The following TRPC6 variants were observed in gnomAD, a reference collection of about 807,000 sequenced individuals.
TRPC6 encodes short transient receptor potential channel 6.
Under a neutral mutation model 90.7 loss-of-function variants are expected in TRPC6, and 55 were observed. That is an observed-to-expected ratio of 0.61 (90% CI 0.49 to 0.76). The LOEUF is 0.76. Ranked by LOEUF, TRPC6 falls within the 30% of genes least tolerant of loss-of-function variation. TRPC6 has a pLI of 0.00. For missense variants in TRPC6, 989 were observed against 1,122.7 expected (o/e 0.88, Z 1.70); for synonymous variants, 393 against 393.0 (o/e 1.00, Z 0.00).
intron 2 of TRPC6, 74 bp from the exon 3 acceptor site, chr11:101,491,812 A>G (rs1245470947): frequency 8.3e-6 from 8 of 966,592 alleles, no homozygotes; most frequent in Non-Finnish European, 1.1e-5. Context: ...GACTTGAAGG[A>G]TTTTATACTT....
chr11:101,581,127 C>CT (rs1862187805), intron 1 of TRPC6, among the ~76,000 whole-genome samples: 1 of 152,206 alleles, frequency 6.6e-6, no homozygotes, highest in Admixed American at 6.5e-5. Flanking sequence ...TATAGTACCT[C>CT]TGACATCACG....
intron 3 of TRPC6, among the ~76,000 whole-genome samples, chr11:101,491,014 T>A (rs1859792385): frequency 6.6e-6 from 1 of 152,218 alleles, no homozygotes; most frequent in Non-Finnish European, 1.5e-5. Flanking sequence ...ATTAGCACAG[T>A]AAGAAAATGG....
intron 4 of TRPC6, among the ~76,000 whole-genome samples, chr11:101,484,885 G>A (rs537489408): frequency 1.1e-4 from 16 of 151,776 alleles, no homozygotes; most frequent in South Asian, 6.3e-4. Flanking sequence ...ATTTATGGGC[G>A]GTATATAGTG....
chr11:101,460,764 A>C (rs1269470796), intron 10 of TRPC6, among the ~76,000 whole-genome samples: 3 of 152,166 alleles, frequency 2.0e-5, no homozygotes, highest in African/African-American at 7.2e-5. Context: ...TAAAATGGTA[A>C]ATTTTATGCT....
At chr11:101,550,524 C>T (rs968978850) in intron 1 of TRPC6, among the ~76,000 whole-genome samples, 4 of 151,460 alleles carry the variant, frequency 2.6e-5, no homozygotes, top group Non-Finnish European at 5.9e-5. Context: ...ATTTTCATAA[C>T]CTTAAAACAC....
chr11:101,542,359 T>C (rs1249968962), intron 1 of TRPC6, among the ~76,000 whole-genome samples: 2 of 152,204 alleles, frequency 1.3e-5, no homozygotes, highest in Admixed American at 6.5e-5. Flanking sequence ...CTGATAAAGA[T>C]AGTTCCCTTA....
chr11:101,459,134 G>A (rs1028088767), intron 10 of TRPC6, among the ~76,000 whole-genome samples: 1 of 152,144 alleles, frequency 6.6e-6, no homozygotes, highest in Non-Finnish European at 1.5e-5. Context: ...AAGCTCATAT[G>A]GCAGGGGAAA....
chr11:101,559,057 G>A (rs934414293), intron 1 of TRPC6, among the ~76,000 whole-genome samples: 1 of 152,006 alleles, frequency 6.6e-6, no homozygotes, highest in Non-Finnish European at 1.5e-5. Context: ...CACAGCAAAA[G>A]AAACAACAGA....
At chr11:101,519,928 T>C (rs1336737049) in intron 1 of TRPC6, 1 of 153,296 alleles carries the variant, frequency 6.5e-6, no homozygotes, top group Admixed American at 6.6e-5. Flanking sequence ...GCCACACTGA[T>C]CTGCTTGCTC....
At chr11:101,495,798 A>G (rs1395720629) in intron 2 of TRPC6, among the ~76,000 whole-genome samples, 5 of 152,092 alleles carry the variant, frequency 3.3e-5, no homozygotes. Context: ...TTTTACACAC[A>G]GCACTGAGAT....
intron 1 of TRPC6, among the ~76,000 whole-genome samples, chr11:101,525,347 A>T (rs760658078): frequency 6.6e-6 from 1 of 152,224 alleles, no homozygotes; most frequent in Non-Finnish European, 1.5e-5. Flanking sequence ...CATAAATACC[A>T]ACTGTGTGGT....
intron 1 of TRPC6, among the ~76,000 whole-genome samples, chr11:101,515,927 C>G (rs1459356873): frequency 2.0e-5 from 3 of 152,012 alleles, no homozygotes; most frequent in Non-Finnish European, 4.4e-5. Flanking sequence ...AAAGTTTTTA[C>G]TATGACCAAA....
chr11:101,533,319 G>A lies in TRPC6; in HGVS notation c.171-28521C>T, dbSNP rs532120374. ...TTCCAATCATGGTGGAAGGCAAAGC[G>A]GAAACAGGCACATCACATGGCAAGA... is the stretch of plus-strand genomic sequence containing the variant. On this transcript the variant is annotated intron_variant, in intron 1 of 12. Transcript: ENST00000344327. Among the ~76,000 whole-genome samples the A allele has an allele frequency of 3.3e-5, 5 of 152,224 alleles. No homozygotes were observed. The South Asian group carries it at 8.3e-4, about 25-fold the overall frequency.
At chr11:101,551,898 C>T (rs566684446) in intron 1 of TRPC6, among the ~76,000 whole-genome samples, 43 of 152,206 alleles carry the variant, frequency 2.8e-4, no homozygotes, top group African/African-American at 8.9e-4. Flanking sequence ...TTCTGTAACA[C>T]AACTCACTGT....
At chr11:101,492,293 G>A (rs1042704039) in intron 2 of TRPC6, among the ~76,000 whole-genome samples, 1 of 152,076 alleles carries the variant, frequency 6.6e-6, no homozygotes, top group East Asian at 1.9e-4. Context: ...ATTTAAAAAA[G>A]AGTATGCTGG....
intron 1 of TRPC6, among the ~76,000 whole-genome samples, chr11:101,551,573 C>T (rs1447309625): frequency 6.6e-6 from 1 of 151,956 alleles, no homozygotes; most frequent in Non-Finnish European, 1.5e-5. Flanking sequence ...CTCATACAGT[C>T]ATAAAGCTGC....
At chr11:101,574,765 A>C (rs779251613) in intron 1 of TRPC6, among the ~76,000 whole-genome samples, 46 of 152,162 alleles carry the variant, frequency 3.0e-4, no homozygotes, top group Non-Finnish European at 5.3e-4. Context: ...AATGATTTTT[A>C]TCTGTAACAG....
chr11:101,457,575 A>G (rs1858913744), intron 10 of TRPC6, among the ~76,000 whole-genome samples: 1 of 152,198 alleles, frequency 6.6e-6, no homozygotes, highest in African/African-American at 2.4e-5. Context: ...TATGGACAAT[A>G]TATTCAGTCA....
chr11:101,558,460 T>TACAC (rs71056630), intron 1 of TRPC6, among the ~76,000 whole-genome samples: 693 of 50,486 alleles, frequency 0.014, 188 homozygotes, highest in African/African-American at 0.057. Flanking sequence ...CACGCACACA[T>TACAC]ACACACACAC....
Sources: allele counts gnomAD v4.1 joint callset (sites outside exome capture counted in the v4.1 genomes callset), GRCh38; gene constraint gnomAD v4.1.1; transcripts MANE v1.5; gene names NCBI Gene and HGNC (gene_info 2026-07-23, HGNC 2026-07-21).